FSIP2: variants seen among roughly 807,000 people sequenced by gnomAD.
FSIP2 encodes fibrous sheath-interacting protein 2.
In FSIP2, 367 loss-of-function variants were observed where a neutral mutation model predicts 510.5. The observed-to-expected ratio is 0.72, with a 90% CI of 0.66 to 0.78. The LOEUF is 0.78. Ranked by LOEUF, FSIP2 falls within the 30% of genes least tolerant of loss-of-function variation. The pLI, the probability that FSIP2 is intolerant of heterozygous loss-of-function variation, is 0.00. For synonymous variants in FSIP2, 2,601 were observed against 2,732.2 expected (o/e 0.95, Z 1.50); for missense variants, 7,594 against 7,901.7 (o/e 0.96, Z 1.48).
chr2:185,832,850 T>C (rs1176382954), intron 22 of FSIP2, among the ~76,000 whole-genome samples: 1 of 151,950 alleles, frequency 6.6e-6, no homozygotes, highest in Non-Finnish European at 1.5e-5. Flanking sequence ...TGAAAGTTAA[T>C]TTCCCATTTA....
chr2:185,740,450 T>C (rs960937017), intron 2 of FSIP2: 6 of 152,210 alleles, frequency 3.9e-5, no homozygotes, highest in Non-Finnish European at 8.8e-5. Flanking sequence ...GTTGACTGGT[T>C]GCTTTTATCA....
intron 2 of FSIP2, 56 bp from the exon 3 acceptor site, chr2:185,743,076 AG>A (rs1427405531): frequency 9.3e-7 from 1 of 1,073,446 alleles, no homozygotes; most frequent in Non-Finnish European, 1.3e-6. Flanking sequence ...TCATTTTGAT[AG>A]ATTATTTAAA....
At chr2:185,783,519 G>C (rs1692899613) in intron 14 of FSIP2, among the ~76,000 whole-genome samples, 1 of 152,114 alleles carries the variant, frequency 6.6e-6, no homozygotes, top group Non-Finnish European at 1.5e-5. Context: ...GATGGCAAAT[G>C]ATATTGACAT....
At chr2:185,780,883 T>TAA (rs1692835244) in intron 13 of FSIP2, among the ~76,000 whole-genome samples, 1 of 152,210 alleles carries the variant, frequency 6.6e-6, no homozygotes, top group South Asian at 2.1e-4. Context: ...CATTTTAAAT[T>TAA]AAATTCTCAT....
intron 12 of FSIP2, among the ~76,000 whole-genome samples, chr2:185,764,105 T>C (rs1692411032): frequency 6.6e-6 from 1 of 151,588 alleles, no homozygotes; most frequent in Non-Finnish European, 1.5e-5. Flanking sequence ...AAAATTCCTT[T>C]AAAAACAGTG....
Position 185,796,624 on chromosome 2 carries a change from A to T in FSIP2, c.9488A>T (p.Asn3163Ile), listed in dbSNP as rs1052082772. The T allele has an allele frequency of 3.3e-6, 5 of 1,535,072 alleles. No individual in the cohort carries two copies. The highest frequency in any genetic ancestry group is 2.4e-5 in the East Asian group (1 of 40,852). The change falls in exon 16 of 23, where the codon AAT becomes ATT. Residue 3163 changes from asparagine (N) to isoleucine (I), a missense_variant. Physicochemically the swap from Asn to Ile is moderately radical, Grantham distance 149. Transcript: ENST00000424728. ...GTTAATCAGGTTGAATTAGCAACTA[A>T]TATGAAAATGTTCACATCAAAGTTA... is the stretch of plus-strand genomic sequence containing the variant. ...YTVNQVELAT[N>I]MKMFTSKLKE... is the part of the protein sequence containing the mutation.
intron 19 of FSIP2, among the ~76,000 whole-genome samples, chr2:185,823,924 A>G (rs1261751998): frequency 1.3e-5 from 2 of 151,856 alleles, no homozygotes; most frequent in Admixed American, 6.6e-5. Context: ...ATATTATGAC[A>G]CATACTACTA....
At chr2:185,828,355 T>A (rs1413105187) in intron 21 of FSIP2, among the ~76,000 whole-genome samples, 156 bp downstream of exon 21, 1 of 151,874 alleles carries the variant, frequency 6.6e-6, no homozygotes, top group Admixed American at 6.6e-5. Context: ...TCCCTCTTCC[T>A]AGCTGAGGCC....
In FSIP2 at chr2:185,790,568, G is replaced by T; in HGVS notation, c.3432G>T (p.Lys1144Asn). The part of the protein sequence containing the change: ...GSEASVLVSE[K>N]PQGLSHQEWI... ...AAGCTTCAGTTCTTGTTTCAGAAAAGCCTCAAGGACTGTCACATCAAGAAT... is the reference window on the plus strand; with the variant it reads ...AAGCTTCAGTTCTTGTTTCAGAAAATCCTCAAGGACTGTCACATCAAGAAT... The change falls in exon 16 of 23, where the codon AAG becomes AAT. Residue 1144 changes from lysine (K) to asparagine (N), a missense_variant. Physicochemically the swap from Lys to Asn is moderately conservative, Grantham distance 94. Transcript: ENST00000424728. 1 of 1,533,766 alleles carries T rather than the reference G, an allele frequency of 6.5e-7. No homozygotes were observed. Among genetic ancestry groups the T allele is most frequent in the African/African-American group, 1.4e-5 (1 of 72,994 alleles).
chr2:185,747,348 G>A lies in FSIP2; in HGVS notation c.795G>A (p.Arg265=), dbSNP rs933142132. 4 of 1,531,246 alleles carry A rather than the reference G, an allele frequency of 2.6e-6. No homozygotes were observed. Among genetic ancestry groups the A allele is most frequent in the Non-Finnish European group, 2.6e-6 (3 of 1,142,688 alleles). The allele number at this position is 1,531,246 out of a possible 1,614,324, so 94.9% of individuals were successfully genotyped here. ...CAAAAGAGATGTTACTTCTGACAAG[G>A]ATGGCAGAAGATGTTAAAAGAGAAG... ...WKTKEMLLLT[R]MAEDVKREER... The change falls in exon 7 of 23, where the codon AGG becomes AGA. Residue 265 remains arginine, a synonymous_variant. Transcript: ENST00000424728.
intron 17 of FSIP2, among the ~76,000 whole-genome samples, chr2:185,812,052 G>C (rs1693743461): frequency 6.6e-6 from 1 of 152,112 alleles, no homozygotes; most frequent in African/African-American, 2.4e-5. Flanking sequence ...CTGGGGCACT[G>C]CTTAGTGCAG....
In FSIP2 at chr2:185,813,728, A is replaced by G. The variant is rs776182714; in HGVS notation, c.20011A>G (p.Thr6671Ala). The G allele has an allele frequency of 6.2e-7, 1 of 1,612,262 alleles. No homozygotes were observed. Among genetic ancestry groups the G allele is most frequent in the South Asian group, 1.1e-5 (1 of 90,920 alleles). Residue 6671 changes from threonine (T) to alanine (A), a missense_variant, in exon 18 of 23, where the codon ACA becomes GCA. Transcript: ENST00000424728. ...RDSDEDEVVL[T>A]QTFAKEEGIK... is the part of the protein sequence containing the mutation. ...TTCTGATGAAGATGAAGTTGTTTTA[A>G]CACAGACTTTTGCAAAAGAAGAAGG...
intron 4 of FSIP2, 54 bp downstream of exon 4, chr2:185,744,465 T>C: frequency 2.6e-6 from 1 of 382,592 alleles, no homozygotes; most frequent in South Asian, 5.5e-5. Flanking sequence ...AAGAAATGCT[T>C]GATTATATGT....
chr2:185,746,536 A>G, intron 5 of FSIP2, 133 bp from the exon 6 acceptor site: 1 of 666,992 alleles, frequency 1.5e-6, no homozygotes, highest in Non-Finnish European at 2.4e-6. Flanking sequence ...GGACTGACAG[A>G]AAAACAGTAA....
Position 185,802,110 on chromosome 2 carries a change from A to T in FSIP2, c.12804A>T (p.Leu4268Phe). The T allele has an allele frequency of 6.5e-7, 1 of 1,533,536 alleles. No individual in the cohort carries two copies. The highest frequency in any genetic ancestry group is 1.4e-5 in the African/African-American group (1 of 72,946). 95.0% of individuals were successfully genotyped at this position (1,533,536 alleles called of 1,614,324 possible). A position where few individuals can be genotyped will look rare whatever the true frequency, so the allele number is the denominator to read the frequency against. Reference sequence around the variant, plus strand: ...AACCATTTTTGAGTGGAGAGGTTTTATGTCATCCAAGGACTCCACTGGATC... The same window carrying T: ...AACCATTTTTGAGTGGAGAGGTTTTTTGTCATCCAAGGACTCCACTGGATC... ...HLQPFLSGEV[L>F]CHPRTPLDPV... The change falls in exon 17 of 23, where the codon TTA (leucine) becomes TTT (phenylalanine). Residue 4268 changes from leucine (L) to phenylalanine (F), a missense_variant. Transcript: ENST00000424728.
intron 7 of FSIP2, among the ~76,000 whole-genome samples, chr2:185,748,382 T>C (rs1692078359): frequency 1.3e-5 from 2 of 151,958 alleles, no homozygotes; most frequent in Admixed American, 1.3e-4. Context: ...GCTCAAATGA[T>C]TCTCCCACCT....
rs768795235 is a variant in FSIP2, at chr2:185,803,377, A to C, written c.14071A>C (p.Arg4691=). ...AAGACTGTGTTTACCTCCAGTGGAG[A>C]GGGATGTAGTCAAAACAATTGTTGA... The part of the protein sequence containing the change: ...EERLCLPPVE[R]DVVKTIVDMV... Residue 4691 remains arginine, a synonymous_variant, in exon 17 of 23, where the codon AGG becomes CGG. Coordinates refer to ENST00000424728, the MANE Select transcript of FSIP2 (RefSeq NM_173651.4). The C allele has an allele frequency of 1.6e-5, 25 of 1,533,170 alleles. No homozygotes were observed. Among genetic ancestry groups the C allele is most frequent in the African/African-American group, 2.7e-5 (2 of 72,844 alleles). 95.0% of individuals were successfully genotyped at this position (1,533,170 alleles called of 1,614,324 possible).
intron 21 of FSIP2, among the ~76,000 whole-genome samples, chr2:185,831,464 C>G (rs978729109): frequency 1.3e-5 from 2 of 151,828 alleles, no homozygotes; most frequent in Admixed American, 6.6e-5. Flanking sequence ...ATTATTACAT[C>G]TTTTTTCAGA....
intron 14 of FSIP2, among the ~76,000 whole-genome samples, chr2:185,786,035 G>A (rs1363514731): frequency 6.6e-6 from 1 of 151,834 alleles, no homozygotes; most frequent in Non-Finnish European, 1.5e-5. Context: ...CTATAATTCT[G>A]TACCCCTGGG....
Sources: allele counts gnomAD v4.1 joint callset (sites outside exome capture counted in the v4.1 genomes callset), GRCh38; gene constraint gnomAD v4.1.1; transcripts MANE v1.5; gene names NCBI Gene and HGNC (gene_info 2026-07-23, HGNC 2026-07-21).